The following DOK6 variants were observed in gnomAD, a reference collection of about 807,000 sequenced individuals.
The protein encoded by DOK6 is docking protein 6.
A neutral mutation model predicts 44.0 loss-of-function variants in DOK6; 22 were observed. That is an observed-to-expected ratio of 0.50 (90% CI 0.36 to 0.71). DOK6 has a LOEUF of 0.71. Ranked by LOEUF, DOK6 falls within the 30% of genes least tolerant of loss-of-function variation. DOK6 has a pLI of 0.00. For missense variants in DOK6, 340 were observed against 416.4 expected (o/e 0.82, Z 1.60); for synonymous variants, 166 against 145.5 (o/e 1.14, Z -1.01).
chr18:69,732,331 T>A (rs546409245), intron 5 of DOK6, among the ~76,000 whole-genome samples: 1 of 152,186 alleles, frequency 6.6e-6, no homozygotes, highest in Non-Finnish European at 1.5e-5. Flanking sequence ...CTTTTAAAAT[T>A]TTTTTCCCAT....
chr18:69,670,451 T>C (rs1274640668), intron 3 of DOK6, among the ~76,000 whole-genome samples: 1 of 151,794 alleles, frequency 6.6e-6, no homozygotes, highest in Non-Finnish European at 1.5e-5. Flanking sequence ...CACCTCTTCC[T>C]CAAAAAGTTG....
intron 1 of DOK6, among the ~76,000 whole-genome samples, chr18:69,479,074 G>GGA (rs1417644546): frequency 1.4e-5 from 2 of 147,158 alleles, no homozygotes; most frequent in Non-Finnish European, 3.1e-5. Context: ...AAGGATGCTT[G>GGA]CATTGGGAGG....
chr18:69,598,148 A>T (rs1365363878), intron 2 of DOK6, among the ~76,000 whole-genome samples: 3 of 152,030 alleles, frequency 2.0e-5, no homozygotes, highest in Non-Finnish European at 4.4e-5. Context: ...TGCTTGCTAA[A>T]CTAACCACAC....
chr18:69,549,832 A>T (rs1982512900), intron 1 of DOK6, among the ~76,000 whole-genome samples: 1 of 149,898 alleles, frequency 6.7e-6, no homozygotes, highest in Admixed American at 6.7e-5. Flanking sequence ...GAAAGAATTT[A>T]TTAGATTTAT....
chr18:69,741,685 C>T (rs867234609), intron 6 of DOK6, among the ~76,000 whole-genome samples: 7 of 151,924 alleles, frequency 4.6e-5, no homozygotes, highest in African/African-American at 1.4e-4. Context: ...TTTATAGAGA[C>T]GGGGTCTTAC....
intron 1 of DOK6, among the ~76,000 whole-genome samples, chr18:69,452,356 A>T (rs1599137933): frequency 6.6e-6 from 1 of 150,854 alleles, no homozygotes; most frequent in African/African-American, 2.5e-5. Flanking sequence ...TCCCAAGACT[A>T]AACCAGGAAG....
At chr18:69,744,364 A>G (rs1978908465) in intron 6 of DOK6, among the ~76,000 whole-genome samples, 1 of 151,696 alleles carries the variant, frequency 6.6e-6, no homozygotes, top group Admixed American at 6.6e-5. Flanking sequence ...AGTTCTATTC[A>G]TGATTTTATC....
At chr18:69,641,571 C>T (rs4635431) in intron 3 of DOK6, among the ~76,000 whole-genome samples, 141,136 of 152,232 alleles carry the variant, frequency 0.93, 66,392 homozygotes, top group East Asian at 1. Context: ...GTTTTCATTG[C>T]GGTTTCTTCC....
intron 3 of DOK6, among the ~76,000 whole-genome samples, chr18:69,665,559 G>T (rs532002325): frequency 1.7e-4 from 26 of 152,124 alleles, no homozygotes; most frequent in African/African-American, 6.0e-4. Context: ...ATTTTCTATC[G>T]TCTGCCTTAA....
At chr18:69,418,022 C>A (rs967334861) in intron 1 of DOK6, among the ~76,000 whole-genome samples, 19 of 151,990 alleles carry the variant, frequency 1.3e-4, no homozygotes, top group African/African-American at 4.3e-4. Context: ...CTTCACTTGG[C>A]TGATTGTTTC....
chr18:69,723,566 A>G (rs78526160), intron 5 of DOK6, among the ~76,000 whole-genome samples: 2,253 of 152,308 alleles, frequency 0.015, 64 homozygotes, highest in African/African-American at 0.052. Flanking sequence ...TAGAAAATGC[A>G]ACACCATTGG....
chr18:69,620,987 A>G (rs959818543), intron 3 of DOK6, among the ~76,000 whole-genome samples: 1 of 152,172 alleles, frequency 6.6e-6, no homozygotes, highest in African/African-American at 2.4e-5. Context: ...TACAAAGTTC[A>G]TGGTCACTCA....
rs1051563474 is a variant in DOK6 at position 69,563,541 on chromosome 18, T to A, written c.67-946T>A. ...CTGGAAACCATCATTCTCAGCAAACTATCACAAGGACAAAAAATCAAACAC... is the reference window on the plus strand; with the variant it reads ...CTGGAAACCATCATTCTCAGCAAACAATCACAAGGACAAAAAATCAAACAC... On this transcript the variant is annotated intron_variant, in intron 1 of 7. Transcript: ENST00000382713. Among the ~76,000 whole-genome samples the A allele has an allele frequency of 4.0e-5, 6 of 149,510 alleles. No individual in the cohort carries two copies. In the East Asian group the frequency reaches 9.8e-4, roughly 25 times the overall value.
At chr18:69,414,777 C>A (rs1268069524) in intron 1 of DOK6, among the ~76,000 whole-genome samples, 5 of 151,956 alleles carry the variant, frequency 3.3e-5, no homozygotes, top group Non-Finnish European at 7.4e-5. Flanking sequence ...TTTCTCACAA[C>A]TGCATGTGTA....
At chr18:69,708,360 C>G (rs1986681936) in intron 5 of DOK6, among the ~76,000 whole-genome samples, 1 of 152,156 alleles carries the variant, frequency 6.6e-6, no homozygotes, top group Non-Finnish European at 1.5e-5. Flanking sequence ...TCTGCATGAG[C>G]CAGCACTTTC....
At chr18:69,428,929 C>T (rs781078799) in intron 1 of DOK6, among the ~76,000 whole-genome samples, 5 of 152,148 alleles carry the variant, frequency 3.3e-5, no homozygotes, top group African/African-American at 4.8e-5. Context: ...TAGGCACCTA[C>T]GTGATACGTG....
intron 1 of DOK6, among the ~76,000 whole-genome samples, chr18:69,416,463 T>G (rs356002): frequency 0.92 from 140,521 of 152,114 alleles, 64,954 homozygotes; most frequent in East Asian, 0.99. Context: ...TAAAAATGTC[T>G]TTTCTTTTGG....
At chr18:69,670,948 A>T (rs1985783581) in intron 3 of DOK6, among the ~76,000 whole-genome samples, 1 of 152,084 alleles carries the variant, frequency 6.6e-6, no homozygotes, top group Non-Finnish European at 1.5e-5. Flanking sequence ...TTTAAAAAAT[A>T]TCCAATTCCC....
chr18:69,601,725 C>T (rs997292737), intron 3 of DOK6, among the ~76,000 whole-genome samples: 5 of 152,178 alleles, frequency 3.3e-5, no homozygotes, highest in Non-Finnish European at 7.3e-5. Flanking sequence ...CTCCCAAGTA[C>T]ACCTAGCATC....
Sources: allele counts gnomAD v4.1 joint callset (sites outside exome capture counted in the v4.1 genomes callset), GRCh38; gene constraint gnomAD v4.1.1; transcripts MANE v1.5; gene names NCBI Gene and HGNC (gene_info 2026-07-23, HGNC 2026-07-21).